Variants in SPIDR observed in about 807,000 individuals in gnomAD.
SPIDR encodes the protein DNA repair-scaffolding protein.
Under a neutral mutation model 104.6 loss-of-function variants are expected in SPIDR, and 93 were observed. The ratio of observed to expected loss-of-function variants is 0.89; its 90% CI spans 0.75 to 1.06. SPIDR has a LOEUF of 1.06. Ranked by LOEUF, SPIDR falls within the 50% of genes least tolerant of loss-of-function variation. The pLI is 0.00. For missense variants in SPIDR, 1,154 were observed against 1,111.2 expected, an observed-to-expected ratio of 1.04 and a Z score of -0.55; for synonymous variants, 431 against 416.9, an observed-to-expected ratio of 1.03 and a Z score of -0.41.
chr8:47,566,903 A>AT (rs1353585476), intron 8 of SPIDR, among the ~76,000 whole-genome samples: 2 of 151,524 alleles, frequency 1.3e-5, no homozygotes, highest in African/African-American at 4.9e-5. Context: ...TGTGGAAGTG[A>AT]TATTTTAAGT....
intron 8 of SPIDR, among the ~76,000 whole-genome samples, chr8:47,465,278 C>T (rs2074588377): frequency 1.3e-5 from 2 of 152,140 alleles, no homozygotes; most frequent in South Asian, 4.1e-4. Flanking sequence ...CTTAAGTACA[C>T]AGAGCAGTGA....
At chr8:47,575,849 A>G (rs1251647687) in intron 8 of SPIDR, among the ~76,000 whole-genome samples, 2 of 150,318 alleles carry the variant, frequency 1.3e-5, no homozygotes, top group Non-Finnish European at 3.0e-5. Flanking sequence ...AATCCCAGCT[A>G]CTTAGGAGGC....
intron 10 of SPIDR, among the ~76,000 whole-genome samples, chr8:47,657,094 G>C (rs1237306273): frequency 2.0e-5 from 3 of 152,126 alleles, no homozygotes; most frequent in African/African-American, 7.2e-5. Flanking sequence ...GATGGTTGCA[G>C]AACATTGTGA....
intron 10 of SPIDR, among the ~76,000 whole-genome samples, chr8:47,664,384 A>C (rs950106995): frequency 2.6e-5 from 4 of 152,222 alleles, no homozygotes; most frequent in African/African-American, 9.7e-5. Context: ...ATTTCAAACC[A>C]GCCATTATAA....
At chr8:47,672,008 A>AG (rs2075867048) in intron 10 of SPIDR, among the ~76,000 whole-genome samples, 1 of 152,046 alleles carries the variant, frequency 6.6e-6, no homozygotes, top group Admixed American at 6.6e-5. Flanking sequence ...CCCAGGCTGG[A>AG]GTGCAGTGAC....
chr8:47,292,262 G>C (rs949615515), intron 4 of SPIDR, among the ~76,000 whole-genome samples: 3 of 152,146 alleles, frequency 2.0e-5, no homozygotes, highest in Non-Finnish European at 2.9e-5. Context: ...AGTTTGTACA[G>C]ACAGCTTCTC....
intron 8 of SPIDR, among the ~76,000 whole-genome samples, chr8:47,571,161 G>T (rs1418326547): frequency 6.6e-6 from 1 of 152,118 alleles, no homozygotes; most frequent in African/African-American, 2.4e-5. Flanking sequence ...TGGGAGAAAT[G>T]GAGAGATATT....
intron 1 of SPIDR, among the ~76,000 whole-genome samples, chr8:47,267,592 GT>G: frequency 6.6e-6 from 1 of 152,322 alleles, no homozygotes; most frequent in Non-Finnish European, 1.5e-5. Context: ...TTGGTTTGCA[GT>G]TCCCTAATGA....
chr8:47,313,368 C>A (rs1237330799), intron 5 of SPIDR, among the ~76,000 whole-genome samples: 1 of 152,090 alleles, frequency 6.6e-6, no homozygotes, highest in South Asian at 2.1e-4. Context: ...ACGTGAAGGA[C>A]CTCTTCAAGG....
intron 3 of SPIDR, among the ~76,000 whole-genome samples, 175 bp downstream of exon 3, chr8:47,284,269 G>A (rs1412857848): frequency 2.0e-5 from 3 of 152,220 alleles, no homozygotes; most frequent in Admixed American, 6.5e-5. Context: ...GTCTGTCATC[G>A]CTGTCACCGT....
intron 7 of SPIDR, among the ~76,000 whole-genome samples, chr8:47,417,817 G>T (rs1588438914): frequency 1.3e-5 from 2 of 152,116 alleles, no homozygotes; most frequent in Non-Finnish European, 2.9e-5. Flanking sequence ...GTAAGGAAGG[G>T]ATCCAGTTTC....
At chr8:47,418,602 A>T (rs571329464) in intron 7 of SPIDR, among the ~76,000 whole-genome samples, 1 of 152,194 alleles carries the variant, frequency 6.6e-6, no homozygotes, top group African/African-American at 2.4e-5. Context: ...CTAGTTGAAT[A>T]CCCTTTATTT....
chr8:47,425,483 G>A (rs782180769), intron 7 of SPIDR, among the ~76,000 whole-genome samples: 5 of 152,166 alleles, frequency 3.3e-5, no homozygotes, highest in African/African-American at 7.2e-5. Flanking sequence ...CTATGGAAGC[G>A]AGCTTCATAT....
At chr8:47,541,682 A>T (rs2088170691) in intron 8 of SPIDR, among the ~76,000 whole-genome samples, 1 of 152,182 alleles carries the variant, frequency 6.6e-6, no homozygotes, top group Non-Finnish European at 1.5e-5. Context: ...GGATCACCTG[A>T]GGTCAGGAGT....
At chr8:47,412,523 T>G (rs192191161) in intron 7 of SPIDR, among the ~76,000 whole-genome samples, 33 of 152,316 alleles carry the variant, frequency 2.2e-4, no homozygotes, top group Admixed American at 1.3e-3. Context: ...AAAATGACTT[T>G]CATTGGTCTG....
intron 5 of SPIDR, among the ~76,000 whole-genome samples, chr8:47,299,882 T>C (rs2041712325): frequency 1.3e-5 from 2 of 152,238 alleles, no homozygotes; most frequent in African/African-American, 4.8e-5. Flanking sequence ...TTTGCATCGA[T>C]GTTCATCAGG....
At chr8:47,479,865 C>T (rs574659058) in intron 8 of SPIDR, among the ~76,000 whole-genome samples, 1 of 152,276 alleles carries the variant, frequency 6.6e-6, no homozygotes, top group South Asian at 2.1e-4. Context: ...ACTAACAGTT[C>T]AAGTCCATAG....
At chr8:47,620,298 G>A (rs1251760281) in intron 10 of SPIDR, among the ~76,000 whole-genome samples, 3 of 147,532 alleles carry the variant, frequency 2.0e-5, no homozygotes, top group East Asian at 2.0e-4. Flanking sequence ...TTTTTGAGAC[G>A]GAGTCTCACT....
intron 8 of SPIDR, among the ~76,000 whole-genome samples, chr8:47,519,914 C>G (rs1252006918): frequency 6.6e-6 from 1 of 152,164 alleles, no homozygotes; most frequent in African/African-American, 2.4e-5. Flanking sequence ...GGTATATGAT[C>G]AAAGACAACC....
Sources: gnomAD v4.1 joint callset for allele counts (sites outside exome capture counted in the v4.1 genomes callset) on GRCh38, gnomAD v4.1.1 for gene constraint, MANE v1.5 for transcripts, NCBI Gene and HGNC (gene_info 2026-07-23, HGNC 2026-07-21) for gene names.